Variants in AKAP6 observed in about 807,000 individuals in gnomAD.
The protein encoded by AKAP6 is A-kinase anchoring protein 6, also known as A-kinase anchor protein 6.
AKAP6 carries 58 observed loss-of-function variants against 188.5 expected under a neutral mutation model. The observed-to-expected ratio is 0.31, with a 90% CI of 0.25 to 0.38. The LOEUF is 0.38. AKAP6 is among the 10% of genes least tolerant of loss of function. The probability of loss-of-function intolerance (pLI) is 1.00; values close to 1 mark genes in which losing one functional copy is unlikely to be tolerated. For synonymous variants in AKAP6, 989 were observed against 998.6 expected (o/e 0.99, Z 0.18); for missense variants, 2,710 against 2,740.0 (o/e 0.99, Z 0.24).
intron 7 of AKAP6, among the ~76,000 whole-genome samples, chr14:32,664,963 G>A (rs1192933185): frequency 6.6e-6 from 1 of 152,056 alleles, no homozygotes; most frequent in African/African-American, 2.4e-5. Flanking sequence ...GTAGATTAAT[G>A]CATTTCAATC....
chr14:32,806,105 G>A (rs927119665), intron 12 of AKAP6, among the ~76,000 whole-genome samples: 9 of 152,244 alleles, frequency 5.9e-5, no homozygotes, highest in Non-Finnish European at 1.2e-4. Context: ...TGAACCTGGG[G>A]GCAGATAATC....
chr14:32,345,034 C>CA (rs769829330), intron 1 of AKAP6, among the ~76,000 whole-genome samples: 1 of 151,292 alleles, frequency 6.6e-6, no homozygotes, highest in Non-Finnish European at 1.5e-5. Flanking sequence ...AAGGGCATGT[C>CA]AAAAAATGGC....
At chr14:32,498,099 C>G (rs1442694908) in intron 2 of AKAP6, among the ~76,000 whole-genome samples, 1 of 152,150 alleles carries the variant, frequency 6.6e-6, no homozygotes, top group Non-Finnish European at 1.5e-5. Flanking sequence ...AGTCGTCCTT[C>G]TACAATTCCA....
chr14:32,329,743 A>G (rs973820999), intron 1 of AKAP6, among the ~76,000 whole-genome samples: 15 of 152,198 alleles, frequency 9.9e-5, no homozygotes, highest in Non-Finnish European at 1.9e-4. Context: ...GCATTGTAAA[A>G]ATATAGATTT....
intron 2 of AKAP6, among the ~76,000 whole-genome samples, chr14:32,454,186 C>A (rs1177544212): frequency 2.6e-5 from 4 of 152,170 alleles, no homozygotes; most frequent in Non-Finnish European, 5.9e-5. Flanking sequence ...CTGAATCTAT[C>A]CCCAGGTACC....
chr14:32,826,415 C>T (rs1278522612), intron 13 of AKAP6, among the ~76,000 whole-genome samples: 1 of 152,162 alleles, frequency 6.6e-6, no homozygotes, highest in African/African-American at 2.4e-5. Flanking sequence ...AACTGCAATT[C>T]CATAAGCTGC....
intron 12 of AKAP6, among the ~76,000 whole-genome samples, chr14:32,803,280 TAA>T (rs751626513): frequency 6.0e-5 from 7 of 116,284 alleles, no homozygotes; most frequent in Non-Finnish European, 1.0e-4. Context: ...CCCGTCTCTA[TAA>T]AAAAAAAAAC....
chr14:32,411,516 G>T (rs1249427072), intron 1 of AKAP6, among the ~76,000 whole-genome samples: 1 of 152,114 alleles, frequency 6.6e-6, no homozygotes, highest in African/African-American at 2.4e-5. Context: ...GCATAGAGAG[G>T]CAGACTCCCA....
intron 2 of AKAP6, among the ~76,000 whole-genome samples, chr14:32,521,270 C>A (rs556643350): frequency 2.0e-5 from 3 of 152,072 alleles, no homozygotes; most frequent in Non-Finnish European, 4.4e-5. Context: ...CCTTTGAAAA[C>A]GGGCACCAGA....
chr14:32,836,027 T>C lies in AKAP6; in HGVS notation c.*6222T>C, dbSNP rs953535385. 27 of 152,248 alleles carry C rather than the reference T, an allele frequency of 1.8e-4. 1 individual carries two copies. The highest frequency in any genetic ancestry group is 6.5e-4 in the African/African-American group (27 of 41,456). 9.4% of individuals were successfully genotyped at this position (152,248 alleles called of 1,614,324 possible). A position where few individuals can be genotyped will look rare whatever the true frequency, so the allele number is the denominator to read the frequency against. ...ACCATTCTGGCCCTTGATTAATGGG[T>C]TCTCACCAAAGCAGAAATTACGCAG... is the stretch of plus-strand genomic sequence containing the variant. On this transcript the variant is annotated 3_prime_UTR_variant, in exon 14 of 14. Transcript: ENST00000280979.
intron 2 of AKAP6, among the ~76,000 whole-genome samples, chr14:32,526,208 G>A (rs1018210529): frequency 7.9e-5 from 12 of 152,134 alleles, no homozygotes; most frequent in African/African-American, 2.9e-4. Flanking sequence ...GGGACTACAG[G>A]TGTATGCCAC....
intron 7 of AKAP6, among the ~76,000 whole-genome samples, chr14:32,635,535 A>C (rs1331230620): frequency 6.6e-6 from 1 of 152,102 alleles, no homozygotes; most frequent in African/African-American, 2.4e-5. Flanking sequence ...TTATTTATTT[A>C]GCTGTGGCTA....
intron 11 of AKAP6, among the ~76,000 whole-genome samples, chr14:32,736,379 G>A (rs1442124337): frequency 1.3e-5 from 2 of 152,024 alleles, no homozygotes; most frequent in African/African-American, 4.8e-5. Flanking sequence ...CACATTACAG[G>A]CATATTCCAT....
At chr14:32,718,919 G>C (rs1423197046) in intron 9 of AKAP6, among the ~76,000 whole-genome samples, 2 of 152,142 alleles carry the variant, frequency 1.3e-5, no homozygotes, top group Non-Finnish European at 2.9e-5. Context: ...AGTGGGTAAA[G>C]AGTGAATGAC....
intron 1 of AKAP6, chr14:32,417,755 T>G (rs1240218726): frequency 6.6e-6 from 1 of 151,936 alleles, no homozygotes; most frequent in Non-Finnish European, 1.5e-5. Context: ...AGTCATATTC[T>G]TCAGGCTTTT....
Position 32,641,033 on chromosome 14 carries a change from A to C in AKAP6, c.2731-37278A>C, listed in dbSNP as rs189979645. Among the ~76,000 whole-genome samples the C allele has an allele frequency of 8.5e-5, 13 of 152,308 alleles. No individual in the cohort carries two copies. The East Asian group carries it at 2.5e-3, about 29-fold the overall frequency. ...AGAATCCTCAGATTTCTTTCAAGGC[A>C]CATCATGGATACCATATTTAATGAG... On this transcript the variant is annotated intron_variant, in intron 7 of 13. Coordinates refer to ENST00000280979, the MANE Select transcript of AKAP6 (RefSeq NM_004274.5).
intron 11 of AKAP6, among the ~76,000 whole-genome samples, chr14:32,763,818 A>G (rs1346303873): frequency 6.6e-6 from 1 of 152,174 alleles, no homozygotes; most frequent in African/African-American, 2.4e-5. Context: ...GTTGTCTTTT[A>G]AGTTTGTAAT....
intron 12 of AKAP6, 26 bp from the exon 13 acceptor site, chr14:32,821,376 C>G (rs914531659): frequency 6.5e-7 from 1 of 1,543,780 alleles, no homozygotes; most frequent in African/African-American, 1.4e-5. Flanking sequence ...AATTCTTCTC[C>G]TTTTCTTTTT....
intron 7 of AKAP6, among the ~76,000 whole-genome samples, chr14:32,668,083 T>C (rs930083667): frequency 2.6e-5 from 4 of 152,078 alleles, no homozygotes; most frequent in Non-Finnish European, 4.4e-5. Context: ...GATGCTGCCA[T>C]AGAATATAAA....
Sources: allele counts gnomAD v4.1 joint callset (sites outside exome capture counted in the v4.1 genomes callset), GRCh38; gene constraint gnomAD v4.1.1; transcripts MANE v1.5; gene names NCBI Gene and HGNC (gene_info 2026-07-23, HGNC 2026-07-21).